ZFYVE16: variants seen among roughly 807,000 people sequenced by gnomAD.
ZFYVE16 encodes zinc finger FYVE-type containing 16.
ZFYVE16 carries 89 observed loss-of-function variants against 138.1 expected under a neutral mutation model. The ratio of observed to expected loss-of-function variants is 0.64; its 90% CI spans 0.54 to 0.77. The LOEUF is 0.77. Among genes scored for constraint, ZFYVE16 ranks in the 30% least tolerant of loss-of-function variants. ZFYVE16 has a pLI of 0.00. For synonymous variants in ZFYVE16, 596 were observed against 618.3 expected (o/e 0.96, Z 0.53); for missense variants, 1,793 against 1,786.7 (o/e 1.00, Z -0.06).
intron 1 of ZFYVE16, among the ~76,000 whole-genome samples, chr5:80,416,382 A>G (rs749786365): frequency 2.0e-5 from 3 of 150,410 alleles, no homozygotes; most frequent in Non-Finnish European, 4.4e-5. Context: ...CAGCCTCACA[A>G]GTAGCTGGGA....
chr5:80,462,304 A>G (rs1395655444), intron 15 of ZFYVE16, among the ~76,000 whole-genome samples: 1 of 152,170 alleles, frequency 6.6e-6, no homozygotes. Context: ...GGCTTCAGGA[A>G]ACTTATACAG....
At chr5:80,459,549 T>C in intron 15 of ZFYVE16, 55 bp downstream of exon 15, 1 of 1,444,328 alleles carries the variant, frequency 6.9e-7, no homozygotes. Flanking sequence ...TCCTAACCTT[T>C]GAAAAATATA....
intron 5 of ZFYVE16, among the ~76,000 whole-genome samples, chr5:80,442,668 A>AG (rs1186472329): frequency 6.6e-6 from 1 of 152,150 alleles, no homozygotes; most frequent in Non-Finnish European, 1.5e-5. Flanking sequence ...AAAGTGGAGG[A>AG]GGTAAGGATG....
At position 80,414,315 on chromosome 5, in the gene ZFYVE16, G is replaced by A. The variant is rs78940296; in HGVS notation, c.-94+6162G>A. 9.4e-3 allele frequency among the ~76,000 whole-genome samples: 1,430 copies of A among 152,246 alleles called. 25 individuals carry two copies. The highest frequency in any genetic ancestry group is 0.031 in the African/African-American group (1,298 of 41,542). The stretch of plus-strand genomic sequence containing the variant: ...TCTTGATGGGTTGCTCTCTAGGCCT[G>A]TTGCACAACTCTCTTCCTGGACTGC... On this transcript the variant is annotated intron_variant, in intron 1 of 18. Coordinates refer to ENST00000505560, the MANE Select transcript of ZFYVE16 (RefSeq NM_001284236.3).
At chr5:80,476,076 T>G (rs1326553036) in intron 18 of ZFYVE16, among the ~76,000 whole-genome samples, 1 of 152,130 alleles carries the variant, frequency 6.6e-6, no homozygotes, top group African/African-American at 2.4e-5. Context: ...CCCGAGTAGC[T>G]GGGACTACAG....
rs1400443429 is a variant in ZFYVE16 at position 80,412,295 on chromosome 5, A to AT, written c.-94+4148dup. ...CCATTTTATTGTAAATATTACGAAG[A>AT]TTTTTTCTTAAATTTAAAAATATAT... On this transcript the variant is annotated intron_variant, in intron 1 of 18. Coordinates refer to ENST00000505560, the MANE Select transcript of ZFYVE16 (RefSeq NM_001284236.3). Among the ~76,000 whole-genome samples the AT allele has an allele frequency of 6.6e-5, 10 of 152,248 alleles. 1 individual carries two copies. The highest frequency in any genetic ancestry group is 9.6e-5 in the African/African-American group (4 of 41,532).
intron 15 of ZFYVE16, among the ~76,000 whole-genome samples, chr5:80,462,334 G>C (rs1159962873): frequency 6.6e-6 from 1 of 152,096 alleles, no homozygotes; most frequent in Non-Finnish European, 1.5e-5. Context: ...AAGGTGAAGG[G>C]GAAGCAAGGC....
chr5:80,428,721 G>A (rs1043616723), intron 2 of ZFYVE16, among the ~76,000 whole-genome samples: 7 of 152,292 alleles, frequency 4.6e-5, no homozygotes, highest in African/African-American at 1.7e-4. Flanking sequence ...AAGATTAGAC[G>A]AATGGCTAAC....
At chr5:80,476,781 G>A (rs1475905787) in intron 18 of ZFYVE16, among the ~76,000 whole-genome samples, 8 of 152,264 alleles carry the variant, frequency 5.3e-5, no homozygotes, top group Admixed American at 6.5e-5. Flanking sequence ...ATTGGAGTAA[G>A]CACTGTAAAT....
chr5:80,460,744 CTTTTG>C (rs988578855), intron 15 of ZFYVE16, among the ~76,000 whole-genome samples: 5 of 152,120 alleles, frequency 3.3e-5, no homozygotes, highest in Admixed American at 3.3e-4. Context: ...ATGTTCTTAG[CTTTTG>C]TTTTGTTTTA....
chr5:80,437,190 G>T lies in ZFYVE16; in HGVS notation c.505G>T (p.Val169Leu), dbSNP rs1750048862. The change falls in exon 4 of 19, where the codon GTG becomes TTG. Residue 169 changes from valine (V) to leucine (L), a missense_variant. Val to Leu is a conservative substitution (Grantham distance 32). Coordinates refer to ENST00000505560, the MANE Select transcript of ZFYVE16 (RefSeq NM_001284236.3). ...DSLIGLDLSS[V>L]SDTPCVSSTD... ...CTTGATTGGATTGGATTTATCTTCA[G>T]TGTCAGATACTCCCTGTGTTTCTTC... The T allele has an allele frequency of 6.2e-7, 1 of 1,614,018 alleles. No individual in the cohort carries two copies. The highest frequency in any genetic ancestry group is 1.1e-5 in the South Asian group (1 of 91,080).
intron 14 of ZFYVE16, among the ~76,000 whole-genome samples, chr5:80,458,730 A>G (rs1752790409): frequency 6.6e-6 from 1 of 152,174 alleles, no homozygotes; most frequent in Admixed American, 6.5e-5. Context: ...ATAAATTCCC[A>G]AAAGTGGAAT....
Position 80,438,996 on chromosome 5 carries a change from G to A in ZFYVE16, c.2311G>A (p.Ala771Thr). 6.2e-7 allele frequency: 1 copy of A among 1,602,196 alleles called. No homozygotes were observed. The highest frequency in any genetic ancestry group is 8.5e-7 in the Non-Finnish European group (1 of 1,174,400). Residue 771 changes from alanine (A) to threonine (T), a missense_variant, in exon 4 of 19, where the codon GCA becomes ACA. Physicochemically the swap from Ala to Thr is moderately conservative, Grantham distance 58. Coordinates refer to ENST00000505560, the MANE Select transcript of ZFYVE16 (RefSeq NM_001284236.3). ...TACCAAACGGCGACACCATTGCCGA[G>A]CATGTGGGAAAGTAAGTTATAAAAA... ...TFTKRRHHCR[A>T]CGKVFCGVCC...
rs187932895 is a variant in ZFYVE16 at position 80,412,483 on chromosome 5, A to G, written c.-94+4330A>G. Among the ~76,000 whole-genome samples, 32 of 152,336 alleles carry G rather than the reference A, an allele frequency of 2.1e-4. No individual in the cohort carries two copies. In the East Asian group the frequency reaches 5.4e-3, roughly 26 times the overall value. On this transcript the variant is annotated intron_variant, in intron 1 of 18. Transcript: ENST00000505560. ...ATACTGATTGATTGAAATGGGAAAT[A>G]TACACAGCTTAATGAGATTTCATGT...
intron 5 of ZFYVE16, chr5:80,441,105 GCCTAGAAGATGACTGCTGGTGCTGTTAGC>G (rs1750658132): frequency 1.0e-6 from 1 of 985,300 alleles, no homozygotes; most frequent in Non-Finnish European, 1.2e-6. Context: ...TGTTTCAGTA[GCCTAGAAGATGACTGCTGGTGCTGTTAGC>G]CAAGGCAATC....
chr5:80,476,345 A>G (rs1208734800), intron 18 of ZFYVE16, among the ~76,000 whole-genome samples: 1 of 152,130 alleles, frequency 6.6e-6, no homozygotes, highest in African/African-American at 2.4e-5. Flanking sequence ...TACTTGTTAA[A>G]TAGATGGGGT....
intron 15 of ZFYVE16, among the ~76,000 whole-genome samples, chr5:80,465,073 C>G (rs1361658211): frequency 6.6e-6 from 1 of 152,072 alleles, no homozygotes; most frequent in African/African-American, 2.4e-5. Flanking sequence ...GAAAGAGTTA[C>G]AACCCAAAAT....
At chr5:80,423,835 G>T (rs1747596910) in intron 1 of ZFYVE16, among the ~76,000 whole-genome samples, 2 of 152,114 alleles carry the variant, frequency 1.3e-5, no homozygotes, top group African/African-American at 4.8e-5. Flanking sequence ...ACTGCGCCTG[G>T]CCGATTTCTG....
At chr5:80,419,642 G>C (rs1361351900) in intron 1 of ZFYVE16, among the ~76,000 whole-genome samples, 1 of 152,096 alleles carries the variant, frequency 6.6e-6, no homozygotes, top group African/African-American at 2.4e-5. Context: ...CTCCCAGAGT[G>C]CTGGGATTAC....
Sources: allele counts gnomAD v4.1 joint callset (sites outside exome capture counted in the v4.1 genomes callset), GRCh38; gene constraint gnomAD v4.1.1; transcripts MANE v1.5; gene names NCBI Gene and HGNC (gene_info 2026-07-23, HGNC 2026-07-21).